PDSS2: variants seen among roughly 807,000 people sequenced by gnomAD.
PDSS2 encodes all trans-polyprenyl-diphosphate synthase PDSS2.
A neutral mutation model predicts 44.5 loss-of-function variants in PDSS2; 31 were observed. The observed-to-expected ratio is 0.70, with a 90% CI of 0.52 to 0.94. The LOEUF is 0.94. Among genes scored for constraint, PDSS2 ranks in the 40% least tolerant of loss-of-function variants. PDSS2 has a pLI of 0.00. For synonymous variants in PDSS2, 157 were observed against 180.3 expected (o/e 0.87, Z 1.03); for missense variants, 452 against 482.2 (o/e 0.94, Z 0.59).
chr6:107,428,788 G>A (rs911150595), intron 1 of PDSS2, among the ~76,000 whole-genome samples: 3 of 152,152 alleles, frequency 2.0e-5, no homozygotes, highest in African/African-American at 4.8e-5. Context: ...TGTGAGCTGT[G>A]ACTACGCTAC....
At chr6:107,403,660 A>T (rs914700302) in intron 1 of PDSS2, among the ~76,000 whole-genome samples, 1 of 152,220 alleles carries the variant, frequency 6.6e-6, no homozygotes, top group African/African-American at 2.4e-5. Flanking sequence ...CACCACATGG[A>T]AGCTGCCAAG....
chr6:107,323,250 A>G (rs1777439110), intron 2 of PDSS2, among the ~76,000 whole-genome samples: 2 of 152,096 alleles, frequency 1.3e-5, no homozygotes, highest in African/African-American at 4.8e-5. Context: ...TGTCAGGAAG[A>G]CTCTAGATGC....
At chr6:107,245,448 C>G (rs1428064598) in intron 4 of PDSS2, 100 bp downstream of exon 4, 2 of 324,082 alleles carry the variant, frequency 6.2e-6, no homozygotes, top group African/African-American at 5.6e-5. Context: ...AAAAAAAAGC[C>G]ATGTACAATT....
At chr6:107,434,367 C>T (rs1212312928) in intron 1 of PDSS2, among the ~76,000 whole-genome samples, 1 of 152,176 alleles carries the variant, frequency 6.6e-6, no homozygotes, top group Non-Finnish European at 1.5e-5. Flanking sequence ...TGTCCATGAA[C>T]AGATGAGTGC....
chr6:107,257,720 G>C (rs73509174), intron 3 of PDSS2, among the ~76,000 whole-genome samples: 3,407 of 152,052 alleles, frequency 0.022, 131 homozygotes, highest in African/African-American at 0.078. Context: ...GCCAGGTTTA[G>C]CAATTCTTGT....
At chr6:107,426,597 C>A (rs1180189807) in intron 1 of PDSS2, among the ~76,000 whole-genome samples, 1 of 152,170 alleles carries the variant, frequency 6.6e-6, no homozygotes, top group South Asian at 2.1e-4. Flanking sequence ...AAAGCTGCAG[C>A]CACTCAACAC....
At chr6:107,253,329 C>T (rs193254062) in intron 3 of PDSS2, among the ~76,000 whole-genome samples, 1 of 152,242 alleles carries the variant, frequency 6.6e-6, no homozygotes, top group African/African-American at 2.4e-5. Flanking sequence ...AGCCACTGCA[C>T]CCGGCCATGT....
intron 2 of PDSS2, among the ~76,000 whole-genome samples, chr6:107,303,681 A>T (rs1776768822): frequency 6.6e-6 from 1 of 152,212 alleles, no homozygotes; most frequent in Non-Finnish European, 1.5e-5. Context: ...TTATTTATTT[A>T]TAGTATGGAT....
At chr6:107,385,721 A>G (rs1779590577) in intron 1 of PDSS2, among the ~76,000 whole-genome samples, 1 of 151,874 alleles carries the variant, frequency 6.6e-6, no homozygotes, top group Middle Eastern at 3.2e-3. Context: ...AAAGCTGAAC[A>G]TCTTTTTTTT....
At chr6:107,159,343 G>A (rs1486282972) in intron 7 of PDSS2, among the ~76,000 whole-genome samples, 1 of 137,966 alleles carries the variant, frequency 7.2e-6, no homozygotes, top group Non-Finnish European at 1.6e-5. Context: ...AAGGAAGGAA[G>A]GAAGAAGGGA....
At chr6:107,336,015 G>A (rs1235550655) in intron 1 of PDSS2, among the ~76,000 whole-genome samples, 21 of 135,656 alleles carry the variant, frequency 1.5e-4, no homozygotes, top group Admixed American at 1.2e-3. Context: ...CGGGGTGGGG[G>A]GGGTGGGGGG....
At chr6:107,296,596 A>G (rs1299697149) in intron 2 of PDSS2, among the ~76,000 whole-genome samples, 1 of 152,120 alleles carries the variant, frequency 6.6e-6, no homozygotes, top group African/African-American at 2.4e-5. Flanking sequence ...GCGTGGTGGC[A>G]GGAGCCTGTA....
At chr6:107,348,807 AATGAC>A (rs1778333804) in intron 1 of PDSS2, among the ~76,000 whole-genome samples, 1 of 152,196 alleles carries the variant, frequency 6.6e-6, no homozygotes, top group South Asian at 2.1e-4. Flanking sequence ...ATCAAACTCA[AATGAC>A]ATAATAGCGA....
In PDSS2 at chr6:107,215,279, C is replaced by T. The variant is rs1773374043; in HGVS notation, c.703-2997G>A. 2.0e-5 allele frequency among the ~76,000 whole-genome samples: 3 copies of T among 152,182 alleles called. No homozygotes were observed. The South Asian group carries it at 6.2e-4, about 32-fold the overall frequency. The stretch of plus-strand genomic sequence containing the variant: ...CAGTGGCTCACACCTGTAATCGTAG[C>T]AACTCAGGAGGCTGAGGAGGGAGGA... On this transcript the variant is annotated intron_variant, in intron 4 of 7. Coordinates refer to ENST00000369037, the MANE Select transcript of PDSS2 (RefSeq NM_020381.4).
At chr6:107,406,585 T>C (rs190161322) in intron 1 of PDSS2, among the ~76,000 whole-genome samples, 62 of 152,338 alleles carry the variant, frequency 4.1e-4, no homozygotes, top group African/African-American at 1.5e-3. Flanking sequence ...ATATGGGAGT[T>C]AGATGAAACC....
chr6:107,309,257 C>G (rs1189755565), intron 2 of PDSS2, among the ~76,000 whole-genome samples: 1 of 152,084 alleles, frequency 6.6e-6, no homozygotes, highest in African/African-American at 2.4e-5. Flanking sequence ...AGCACAATGC[C>G]CTGCTGTGGT....
intron 3 of PDSS2, among the ~76,000 whole-genome samples, chr6:107,261,168 C>T (rs957177342): frequency 6.6e-6 from 1 of 152,194 alleles, no homozygotes; most frequent in Non-Finnish European, 1.5e-5. Context: ...ATCTCTTCTC[C>T]ATCTATCCTT....
chr6:107,164,096 C>G (rs552541510), intron 7 of PDSS2, among the ~76,000 whole-genome samples: 1 of 151,980 alleles, frequency 6.6e-6, no homozygotes, highest in Admixed American at 6.6e-5. Context: ...TTTGGGAGTA[C>G]CTACTCATTG....
intron 3 of PDSS2, among the ~76,000 whole-genome samples, chr6:107,264,938 C>CA (rs1269473500): frequency 2.0e-5 from 3 of 152,090 alleles, no homozygotes; most frequent in African/African-American, 7.2e-5. Flanking sequence ...TCTTTTAGTC[C>CA]AGGTCTTTGT....
Sources: allele counts gnomAD v4.1 joint callset (sites outside exome capture counted in the v4.1 genomes callset), GRCh38; gene constraint gnomAD v4.1.1; transcripts MANE v1.5; gene names NCBI Gene and HGNC (gene_info 2026-07-23, HGNC 2026-07-21).